TRUB1: variants seen among roughly 807,000 people sequenced by gnomAD.
TRUB1 encodes pseudouridylate synthase TRUB1.
A neutral mutation model predicts 33.9 loss-of-function variants in TRUB1; 23 were observed. The observed-to-expected ratio is 0.68, with a 90% CI of 0.49 to 0.96. The LOEUF is 0.96. Ranked by LOEUF, TRUB1 falls within the 40% of genes least tolerant of loss-of-function variation. The pLI is 0.00. For missense variants in TRUB1, 378 were observed against 422.2 expected, an observed-to-expected ratio of 0.90 and a Z score of 0.92; for synonymous variants, 163 against 165.4, an observed-to-expected ratio of 0.99 and a Z score of 0.11.
chr10:114,940,997 G>A (rs1211962309), intron 1 of TRUB1, among the ~76,000 whole-genome samples: 2 of 152,134 alleles, frequency 1.3e-5, no homozygotes, highest in Non-Finnish European at 2.9e-5. Flanking sequence ...TTGGGAGGCC[G>A]AGCCACCCAG....
At chr10:114,973,148 A>G (rs900944762) in intron 6 of TRUB1, among the ~76,000 whole-genome samples, 7 of 151,674 alleles carry the variant, frequency 4.6e-5, no homozygotes, top group African/African-American at 1.2e-4. Flanking sequence ...GTACCATTAG[A>G]AAAAAAAAGT....
At chr10:114,942,353 C>T (rs766721296) in intron 1 of TRUB1, among the ~76,000 whole-genome samples, 5 of 152,160 alleles carry the variant, frequency 3.3e-5, no homozygotes, top group East Asian at 1.9e-4. Context: ...TAGATTTTTG[C>T]GGGTTAGCTT....
In TRUB1 at chr10:114,955,254, A is replaced by C. The variant is rs117379751; in HGVS notation, c.441+4105A>C. On this transcript the variant is annotated intron_variant, in intron 3 of 7. Coordinates refer to ENST00000298746, the MANE Select transcript of TRUB1 (RefSeq NM_139169.5). ...CCCTCTTATATCTTCCCTAAATTAC[A>C]CTTTCTTTGAGCCAGTCATTCAGCA... Among the ~76,000 whole-genome samples the C allele has an allele frequency of 8.8e-3, 1,337 of 152,270 alleles. 15 individuals carry two copies. The highest frequency in any genetic ancestry group is 0.011 in the Non-Finnish European group (744 of 68,012).
chr10:114,938,196 C>T lies in TRUB1; in HGVS notation c.-58C>T. The T allele has an allele frequency of 6.3e-7, 1 of 1,587,112 alleles. No individual in the cohort carries two copies. The highest frequency in any genetic ancestry group is 2.2e-5 in the East Asian group (1 of 44,732). On this transcript the variant is annotated 5_prime_UTR_variant, in exon 1 of 8. Transcript: ENST00000298746. ...GAGGAAGAGGGTCCTGTCAGGCGCA[C>T]TCTTGTTGCATCATCAGCGTGCACC...
At position 114,975,516 on chromosome 10, in the gene TRUB1, G is replaced by A; in HGVS notation, c.*137G>A. ...TGAAGAAAAATGTCTATCATTTACA[G>A]TTTCAATAGCACATAATTTATTTTC... On this transcript the variant is annotated 3_prime_UTR_variant, in exon 8 of 8. Coordinates refer to ENST00000298746, the MANE Select transcript of TRUB1 (RefSeq NM_139169.5). 1 of 817,950 alleles carries A rather than the reference G, an allele frequency of 1.2e-6. No homozygotes were observed. The highest frequency in any genetic ancestry group is 1.8e-6 in the Non-Finnish European group (1 of 549,416). 50.7% of individuals were successfully genotyped at this position (817,950 alleles called of 1,614,324 possible).
chr10:114,967,872 C>T (rs1483673317), intron 4 of TRUB1, among the ~76,000 whole-genome samples: 4 of 152,162 alleles, frequency 2.6e-5, no homozygotes, highest in African/African-American at 9.7e-5. Context: ...TATAAGATAA[C>T]TTGCTGTGTA....
chr10:114,970,765 G>A (rs1325722863), intron 5 of TRUB1, among the ~76,000 whole-genome samples: 1 of 152,204 alleles, frequency 6.6e-6, no homozygotes, highest in African/African-American at 2.4e-5. Context: ...GAACTGTTGT[G>A]AAGGGACCAG....
At chr10:114,947,880 G>A (rs903518110) in intron 2 of TRUB1, among the ~76,000 whole-genome samples, 1 of 152,176 alleles carries the variant, frequency 6.6e-6, no homozygotes, top group African/African-American at 2.4e-5. Flanking sequence ...CCACACATCT[G>A]TATCAGCCAG....
At chr10:114,945,912 A>G (rs1490377323) in intron 2 of TRUB1, among the ~76,000 whole-genome samples, 2 of 152,210 alleles carry the variant, frequency 1.3e-5, no homozygotes, top group African/African-American at 4.8e-5. Context: ...TTGATCACAC[A>G]GGGAATTTTA....
At chr10:114,973,834 C>G (rs1001840118) in intron 6 of TRUB1, among the ~76,000 whole-genome samples, 8 of 152,050 alleles carry the variant, frequency 5.3e-5, no homozygotes, top group African/African-American at 1.9e-4. Context: ...ATTCTTGTCA[C>G]TGTGAAAAGG....
chr10:114,951,962 C>T (rs1441300075), intron 3 of TRUB1, among the ~76,000 whole-genome samples: 1 of 152,088 alleles, frequency 6.6e-6, no homozygotes, highest in Admixed American at 6.5e-5. Context: ...AATCTGTTGT[C>T]AAAGACCATT....
At chr10:114,943,171 T>C (rs984781510) in intron 2 of TRUB1, among the ~76,000 whole-genome samples, 6 of 152,330 alleles carry the variant, frequency 3.9e-5, no homozygotes, top group South Asian at 2.1e-4. Context: ...TCTAGGAATC[T>C]GGAATTTTGT....
Position 114,938,380 on chromosome 10 carries a change from G to T in TRUB1, c.127G>T (p.Val43Leu). 1.2e-6 allele frequency: 2 copies of T among 1,609,550 alleles called. No individual in the cohort carries two copies. The highest frequency in any genetic ancestry group is 1.7e-4 in the Middle Eastern group (1 of 6,040). The change falls in exon 1 of 8, where the codon GTG becomes TTG. Residue 43 changes from valine (V) to leucine (L), a missense_variant. By Grantham distance (32) the Val-to-Leu change is conservative. Transcript: ENST00000298746. ...CCCGTCAGCAAGGGCTGCAGCCGCG[G>T]TGGTTGCGGCCGCGGCCAGGACCGG... ...ATPSARAAAA[V>L]VAAAARTGSE...
intron 4 of TRUB1, among the ~76,000 whole-genome samples, chr10:114,963,767 A>G (rs544688020): frequency 1.3e-5 from 2 of 152,254 alleles, no homozygotes; most frequent in South Asian, 4.2e-4. Context: ...TATATTTTTG[A>G]GATCCATGTT....
intron 4 of TRUB1, among the ~76,000 whole-genome samples, chr10:114,964,597 CT>C (rs767277386): frequency 2.9e-4 from 44 of 152,158 alleles, no homozygotes; most frequent in Non-Finnish European, 5.0e-4. Context: ...TTTAAGAAAA[CT>C]TTTTTGACTC....
chr10:114,938,237 G>T lies in TRUB1; in HGVS notation c.-17G>T. The T allele has an allele frequency of 6.2e-7, 1 of 1,613,162 alleles. No homozygotes were observed. The highest frequency in any genetic ancestry group is 1.3e-5 in the African/African-American group (1 of 74,978). ...AGCGTGCACCTCCACGATGAAACAG[G>T]TCTGGGCTACAAAAGTATGGCCGCT... On this transcript the variant is annotated 5_prime_UTR_variant, in exon 1 of 8. Coordinates refer to ENST00000298746, the MANE Select transcript of TRUB1 (RefSeq NM_139169.5).
intron 4 of TRUB1, among the ~76,000 whole-genome samples, chr10:114,966,188 G>C (rs2084306801): frequency 6.6e-6 from 1 of 152,086 alleles, no homozygotes; most frequent in South Asian, 2.1e-4. Context: ...TATGATTTCA[G>C]ATATGGATTC....
chr10:114,975,183 T>C lies in TRUB1; in HGVS notation c.854T>C (p.Leu285Pro). The part of the protein sequence containing the change: ...LTRTKQGPFT[L>P]EEHALPEDKW... Reference sequence around the variant, plus strand: ...CGAACCAAACAGGGACCATTTACGCTAGAAGAACATGCCCTTCCTGAAGAC... The same window carrying C: ...CGAACCAAACAGGGACCATTTACGCCAGAAGAACATGCCCTTCCTGAAGAC... Residue 285 changes from leucine to proline, a missense_variant, in exon 8 of 8, where the codon CTA (leucine) becomes CCA (proline). By Grantham distance (98) the Leu-to-Pro change is moderately conservative (BLOSUM62 -3). Coordinates refer to ENST00000298746, the MANE Select transcript of TRUB1 (RefSeq NM_139169.5). The C allele has an allele frequency of 1.2e-6, 2 of 1,613,666 alleles. No homozygotes were observed. The highest frequency in any genetic ancestry group is 1.7e-6 in the Non-Finnish European group (2 of 1,179,704).
chr10:114,943,231 A>G (rs1331557246), intron 2 of TRUB1, among the ~76,000 whole-genome samples: 6 of 152,122 alleles, frequency 3.9e-5, no homozygotes, highest in African/African-American at 1.4e-4. Flanking sequence ...TCAAATCCCC[A>G]ATAAAAGCTT....
Sources: gnomAD v4.1 joint callset for allele counts (sites outside exome capture counted in the v4.1 genomes callset) on GRCh38, gnomAD v4.1.1 for gene constraint, MANE v1.5 for transcripts, NCBI Gene and HGNC (gene_info 2026-07-23, HGNC 2026-07-21) for gene names.